PREX1: variants seen among roughly 807,000 people sequenced by gnomAD.
PREX1 encodes the protein phosphatidylinositol 3,4,5-trisphosphate-dependent Rac exchanger 1 protein.
PREX1 carries 41 observed loss-of-function variants against 198.3 expected under a neutral mutation model. The observed-to-expected ratio is 0.21, with a 90% confidence interval of 0.16 to 0.27. PREX1 has a LOEUF of 0.27. Among genes scored for constraint, PREX1 ranks in the 10% least tolerant of loss-of-function variants. The probability of loss-of-function intolerance (pLI) is 1.00; values close to 1 mark genes in which losing one functional copy is unlikely to be tolerated. For synonymous variants in PREX1, 843 were observed against 887.2 expected (o/e 0.95, Z 0.89); for missense variants, 1,620 against 2,200.7 (o/e 0.74, Z 5.28).
At chr20:48,657,712 G>T (rs1173005270) in intron 17 of PREX1, among the ~76,000 whole-genome samples, 1 of 152,120 alleles carries the variant, frequency 6.6e-6, no homozygotes. Context: ...ACCTGCACAC[G>T]CCCCAGGCAA....
chr20:48,667,407 T>C (rs57557733), intron 14 of PREX1, among the ~76,000 whole-genome samples: 26,660 of 152,098 alleles, frequency 0.18, 2,454 homozygotes, highest in Middle Eastern at 0.3. Context: ...CTGAAAAACA[T>C]CTTCCCCCCC....
the PREX1 span, among the ~76,000 whole-genome samples, chr20:48,871,875 C>T: frequency 5.9e-5 from 9 of 151,600 alleles, no homozygotes; most frequent in Non-Finnish European, 1.3e-4. Flanking sequence ...TTCAGGGCAC[C>T]TCGGCCGGGC....
In PREX1 at chr20:48,737,120, A is replaced by AT. The variant is rs2090059973; in HGVS notation, c.415-2471dup. 4.0e-5 allele frequency among the ~76,000 whole-genome samples: 6 copies of AT among 148,808 alleles called. No individual in the cohort carries two copies. The South Asian group carries it at 1.3e-3, about 32-fold the overall frequency. ...TAACTAGTATTATTATTGCTTAATA[A>AT]TGTTGTTGCTATTATCACCAGCATG... On this transcript the variant is annotated intron_variant, in intron 3 of 39. Coordinates refer to ENST00000371941, the MANE Select transcript of PREX1 (RefSeq NM_020820.4).
At chr20:48,690,546 G>C (rs1448300700) in intron 9 of PREX1, among the ~76,000 whole-genome samples, 1 of 151,952 alleles carries the variant, frequency 6.6e-6, no homozygotes, top group Non-Finnish European at 1.5e-5. Context: ...CTTCGGGGGT[G>C]CCTGTGCCCA....
the PREX1 span, among the ~76,000 whole-genome samples, chr20:48,848,932 T>A: frequency 2.0e-5 from 3 of 151,964 alleles, no homozygotes; most frequent in Admixed American, 2.0e-4. Context: ...AGACGGGGGT[T>A]TCACCATATT....
intron 3 of PREX1, among the ~76,000 whole-genome samples, chr20:48,739,858 T>A (rs1397141050): frequency 6.6e-6 from 1 of 152,216 alleles, no homozygotes; most frequent in Non-Finnish European, 1.5e-5. Flanking sequence ...GGTTTCCTCA[T>A]CTGTAAAATG....
At chr20:48,653,540 A>G in intron 19 of PREX1, 43 bp from the exon 20 acceptor site, 1 of 1,583,452 alleles carries the variant, frequency 6.3e-7, no homozygotes, top group Non-Finnish European at 8.6e-7. Flanking sequence ...CCAGGCAAGT[A>G]CAAGCAGCCC....
intron 14 of PREX1, among the ~76,000 whole-genome samples, chr20:48,674,014 G>T (rs1366789349): frequency 2.0e-5 from 3 of 152,224 alleles, no homozygotes; most frequent in African/African-American, 7.2e-5. Flanking sequence ...TAGCAAGGCT[G>T]GGACTTGAAC....
intron 5 of PREX1, among the ~76,000 whole-genome samples, chr20:48,714,729 T>C (rs925590469): frequency 6.6e-6 from 1 of 152,238 alleles, no homozygotes; most frequent in African/African-American, 2.4e-5. Context: ...GATCCAGCCA[T>C]ACCTGAAGCC....
intron 29 of PREX1, 104 bp from the exon 30 acceptor site, chr20:48,639,998 T>A: frequency 7.0e-7 from 1 of 1,436,128 alleles, no homozygotes. Context: ...GAGCTCATAA[T>A]CCTAGATCAA....
intron 25 of PREX1, among the ~76,000 whole-genome samples, chr20:48,647,001 G>T (rs539228986): frequency 6.6e-6 from 1 of 152,374 alleles, no homozygotes; most frequent in South Asian, 2.1e-4. Context: ...AACACTTTGG[G>T]AGGCTGAGGC....
rs536539725 is a variant in PREX1 at position 48,661,466 on chromosome 20, T to C, written c.1739-1405A>G. Among the ~76,000 whole-genome samples the C allele has an allele frequency of 1.7e-3, 174 of 101,354 alleles. 5 individuals are homozygous for C. The highest frequency in any genetic ancestry group is 7.4e-3 in the African/African-American group (134 of 18,176). The allele number at this position is 101,354 out of a possible 152,430, so 66.5% of individuals were successfully genotyped here. ...AAAAATATATATATATATATATATA[T>C]ATACACACACATATATATAATATAA... On this transcript the variant is annotated intron_variant, in intron 15 of 39. Transcript: ENST00000371941.
At chr20:48,698,455 T>A (rs1328331852) in intron 7 of PREX1, among the ~76,000 whole-genome samples, 1 of 151,678 alleles carries the variant, frequency 6.6e-6, no homozygotes, top group Non-Finnish European at 1.5e-5. Flanking sequence ...AGGGTGGACA[T>A]TGGCAGCAGC....
intron 1 of PREX1, among the ~76,000 whole-genome samples, chr20:48,800,495 T>C (rs897870576): frequency 1.3e-5 from 2 of 152,204 alleles, no homozygotes; most frequent in Non-Finnish European, 1.5e-5. Context: ...GCACTTAGGA[T>C]GTGTGCCCGG....
chr20:48,716,215 G>A (rs867337620), intron 5 of PREX1, among the ~76,000 whole-genome samples: 4 of 152,310 alleles, frequency 2.6e-5, no homozygotes, highest in East Asian at 1.9e-4. Flanking sequence ...GTGGTTTCGC[G>A]AGTGGGGCCC....
chr20:48,758,332 A>G (rs2090163909), intron 1 of PREX1, among the ~76,000 whole-genome samples: 1 of 152,208 alleles, frequency 6.6e-6, no homozygotes, highest in Non-Finnish European at 1.5e-5. Flanking sequence ...AAAGTGACAG[A>G]GCAGCTCAGA....
rs780854230 is a variant in PREX1 at position 48,649,441 on chromosome 20, C to T, written c.3164G>A (p.Gly1055Glu). 1 of 1,614,148 alleles carries T rather than the reference C, an allele frequency of 6.2e-7. No individual in the cohort carries two copies. The highest frequency in any genetic ancestry group is 1.1e-5 in the South Asian group (1 of 91,080). Residue 1055 changes from glycine (G) to glutamate (E), a missense_variant, in exon 25 of 40, where the codon GGG becomes GAG. This residue lies in a region of PREX1 where 514 missense variants were observed against 611.6 expected (regional missense o/e 0.84). Coordinates refer to ENST00000371941, the MANE Select transcript of PREX1 (RefSeq NM_020820.4). ...GCCCCGGTCTTCCTGACCAAGGGTCCCACTGGCTGGCCCGAAGCTGCCATC... is the reference window on the plus strand; with the variant it reads ...GCCCCGGTCTTCCTGACCAAGGGTCTCACTGGCTGGCCCGAAGCTGCCATC... ...LHDGSFGPAS[G>E]TLGQEDRGLS...
chr20:48,820,760 C>T (rs1299678727), intron 1 of PREX1, among the ~76,000 whole-genome samples: 8 of 152,204 alleles, frequency 5.3e-5, no homozygotes, highest in African/African-American at 1.9e-4. Flanking sequence ...AGCGATGCTG[C>T]TAAACATCTT....
intron 24 of PREX1, 27 bp downstream of exon 24, chr20:48,649,969 C>T (rs1427042521): frequency 3.1e-6 from 5 of 1,609,410 alleles, no homozygotes; most frequent in Admixed American, 1.7e-5. Flanking sequence ...CATCTGAACA[C>T]AGTTTCTAAT....
Sources: allele counts gnomAD v4.1 joint callset (sites outside exome capture counted in the v4.1 genomes callset), GRCh38; gene constraint gnomAD v4.1.1; regional missense constraint gnomAD v4.1.1; transcripts MANE v1.5; gene names NCBI Gene and HGNC (gene_info 2026-07-23, HGNC 2026-07-21).